Variants in ATXN2 observed in about 807,000 individuals in gnomAD.
The protein encoded by ATXN2 is ataxin 2, also known as ataxin-2.
In ATXN2, 37 loss-of-function variants were observed where a neutral mutation model predicts 138.6. The observed-to-expected ratio is 0.27, with a 90% confidence interval of 0.21 to 0.35. The LOEUF is 0.35. Among genes scored for constraint, ATXN2 ranks in the 10% least tolerant of loss-of-function variants. ATXN2 has a pLI of 1.00. For missense variants in ATXN2, 1,216 were observed against 1,480.3 expected (o/e 0.82, Z 2.93); for synonymous variants, 549 against 543.7 (o/e 1.01, Z -0.13).
chr12:111,581,135 CAA>C (rs1016431358), intron 1 of ATXN2, among the ~76,000 whole-genome samples: 9,572 of 57,556 alleles, frequency 0.17, 980 homozygotes, highest in African/African-American at 0.38. Flanking sequence ...GACTCCATCT[CAA>C]AAAAAAAAAA....
At chr12:111,485,125 T>C in intron 18 of ATXN2, 140 bp downstream of exon 18, 2 of 690,832 alleles carry the variant, frequency 2.9e-6, no homozygotes, top group Non-Finnish European at 2.5e-6. Flanking sequence ...AATATCTATG[T>C]AATGTTGTTC....
At chr12:111,509,684 G>T in intron 13 of ATXN2, 65 bp from the exon 14 acceptor site, 1 of 1,009,846 alleles carries the variant, frequency 9.9e-7, no homozygotes, top group Non-Finnish European at 1.5e-6. Flanking sequence ...ATTCTTTTTA[G>T]TATGAGATGA....
chr12:111,599,417 C>T (rs1246856233), upstream of ATXN2: 1 of 1,176,222 alleles, frequency 8.5e-7, no homozygotes. Flanking sequence ...CCGCGCCGGC[C>T]GCTGGAGCGA....
intron 1 of ATXN2, among the ~76,000 whole-genome samples, chr12:111,594,471 TG>T (rs1483386971): frequency 6.6e-6 from 1 of 152,106 alleles, no homozygotes; most frequent in African/African-American, 2.4e-5. Context: ...CCCAAGTAGC[TG>T]GGATTACAGG....
At chr12:111,467,896 A>T (rs1211369402) in intron 20 of ATXN2, among the ~76,000 whole-genome samples, 1 of 152,242 alleles carries the variant, frequency 6.6e-6, no homozygotes, top group African/African-American at 2.4e-5. Flanking sequence ...CAGTGAATGA[A>T]CACAATGAGG....
chr12:111,471,441 C>T (rs1876409246), intron 18 of ATXN2: 1 of 152,286 alleles, frequency 6.6e-6, no homozygotes, highest in Non-Finnish European at 1.5e-5. Flanking sequence ...TTCCCATGTG[C>T]CTCTTTCCTC....
intron 1 of ATXN2, chr12:111,581,644 G>C (rs1884011359): frequency 1.3e-6 from 1 of 756,154 alleles, no homozygotes; most frequent in Admixed American, 1.8e-5. Context: ...ACAAGAAGAT[G>C]GTTGGCGACC....
chr12:111,599,610 A>C (rs1043705751), upstream of ATXN2: 10 of 1,069,476 alleles, frequency 9.4e-6, no homozygotes, highest in Non-Finnish European at 1.1e-5. Flanking sequence ...GCAGAACGTG[A>C]GGTGGCCCCG....
chr12:111,519,317 TGACACAGATCCTGTGTTCCA>T (rs1231624992), intron 8 of ATXN2, among the ~76,000 whole-genome samples: 1 of 152,206 alleles, frequency 6.6e-6, no homozygotes, highest in Admixed American at 6.5e-5. Context: ...CTGCTGCACC[TGACACAGATCCTGTGTTCCA>T]GACACATGCA....
At chr12:111,515,773 G>C (rs1019411155) in intron 10 of ATXN2, among the ~76,000 whole-genome samples, 6 of 152,140 alleles carry the variant, frequency 3.9e-5, no homozygotes, top group Non-Finnish European at 7.3e-5. Context: ...GGTTCACTAG[G>C]ACCTTGGCCA....
chr12:111,548,629 C>T lies in ATXN2; in HGVS notation c.571+3651G>A, dbSNP rs533592108. 3.3e-5 allele frequency among the ~76,000 whole-genome samples: 5 copies of T among 152,000 alleles called. No individual in the cohort carries two copies. The South Asian group carries it at 1.0e-3, about 32-fold the overall frequency. On this transcript the variant is annotated intron_variant, in intron 5 of 24. Transcript: ENST00000673436. ...ATCCACTTCTATTATAAAAAACACT[C>T]TATCTATCCATTCAAGATGTGGAAA...
chr12:111,586,153 C>A (rs1429104819), intron 1 of ATXN2, among the ~76,000 whole-genome samples: 1 of 151,806 alleles, frequency 6.6e-6, no homozygotes, highest in Non-Finnish European at 1.5e-5. Context: ...AATCTGCCTG[C>A]TTCAGCCTCC....
chr12:111,552,212 C>A lies in ATXN2; in HGVS notation c.571+68G>T. 1 of 1,463,266 alleles carries A rather than the reference C, an allele frequency of 6.8e-7. No homozygotes were observed. The highest frequency in any genetic ancestry group is 9.1e-7 in the Non-Finnish European group (1 of 1,097,004). The allele number at this position is 1,463,266 out of a possible 1,614,324, so 90.6% of individuals were successfully genotyped here. On this transcript the variant is annotated intron_variant, in intron 5 of 24. Coordinates refer to ENST00000673436, the MANE Select transcript of ATXN2 (RefSeq NM_001372574.1). The surrounding 1 kb of genome is among the most constrained non-coding windows in gnomAD (Gnocchi z 4.1). The stretch of plus-strand genomic sequence containing the variant: ...TTTCTTTAAAAAAAGTTTGTAAGAT[C>A]ACTGTGAAAATCTTTGCTTGAATAA...
At chr12:111,454,169 G>C (rs926790529) in intron 23 of ATXN2, 2 of 207,292 alleles carry the variant, frequency 9.6e-6, no homozygotes, top group African/African-American at 4.6e-5. Flanking sequence ...TTAGACACTG[G>C]ATCCAAGGGC....
At chr12:111,484,111 A>T (rs896649821) in intron 18 of ATXN2, among the ~76,000 whole-genome samples, 3 of 152,122 alleles carry the variant, frequency 2.0e-5, no homozygotes, top group African/African-American at 7.2e-5. Context: ...GGATCTTAAC[A>T]TTGGTTGAAG....
At chr12:111,507,635 C>T (rs1405560191) in intron 14 of ATXN2, among the ~76,000 whole-genome samples, 1 of 152,038 alleles carries the variant, frequency 6.6e-6, no homozygotes, top group South Asian at 2.1e-4. Flanking sequence ...CCCCTCTGCC[C>T]GGCCACCACC....
chr12:111,575,417 C>T, intron 1 of ATXN2, among the ~76,000 whole-genome samples: 1 of 152,010 alleles, frequency 6.6e-6, no homozygotes, highest in East Asian at 1.9e-4. Flanking sequence ...GAACTCCTGG[C>T]CCTTCCCATT....
chr12:111,470,523 T>C (rs371773535), intron 19 of ATXN2, 35 bp downstream of exon 19: 74 of 1,600,702 alleles, frequency 4.6e-5, no homozygotes, highest in East Asian at 4.0e-4. Flanking sequence ...TTTTATATGG[T>C]ACAAAAATTA....
chr12:111,580,025 C>G (rs897623533), intron 1 of ATXN2, among the ~76,000 whole-genome samples: 1 of 152,052 alleles, frequency 6.6e-6, no homozygotes, highest in African/African-American at 2.4e-5. Flanking sequence ...CTGTGTTGCC[C>G]AGGGCCTTGA....
Sources: gnomAD v4.1 joint callset for allele counts (sites outside exome capture counted in the v4.1 genomes callset) on GRCh38, gnomAD v4.1.1 for gene constraint, Gnocchi (gnomAD v3.1) non-coding constraint, MANE v1.5 for transcripts, NCBI Gene and HGNC (gene_info 2026-07-23, HGNC 2026-07-21) for gene names.